Variants in NBAS observed in about 807,000 individuals in gnomAD.
NBAS encodes NBAS subunit of NRZ tethering complex, also known as NAG/BC035112 fusion.
NBAS carries 219 observed loss-of-function variants against 302.5 expected under a neutral mutation model. That is an observed-to-expected ratio of 0.72 (90% CI 0.65 to 0.81). The LOEUF (loss-of-function observed/expected upper bound fraction) is 0.81. Among genes scored for constraint, NBAS ranks in the 30% least tolerant of loss-of-function variants. The pLI, the probability that NBAS is intolerant of heterozygous loss-of-function variation, is 0.00. For missense variants in NBAS, 2,932 were observed against 2,841.6 expected (o/e 1.03, Z -0.72); for synonymous variants, 1,118 against 1,021.6 (o/e 1.09, Z -1.80).
intron 48 of NBAS, among the ~76,000 whole-genome samples, chr2:15,197,712 G>C (rs1558429159): frequency 6.6e-6 from 1 of 152,082 alleles, no homozygotes; most frequent in Non-Finnish European, 1.5e-5. Context: ...TCCTTGTAAT[G>C]GTACTTCCTC....
chr2:14,938,298 G>GATACAT, the NBAS span, among the ~76,000 whole-genome samples: 2 of 152,054 alleles, frequency 1.3e-5, no homozygotes, highest in Non-Finnish European at 2.9e-5. Context: ...AATGTATACA[G>GATACAT]ATACATATAC....
chr2:15,084,479 A>AG, the NBAS span, among the ~76,000 whole-genome samples: 3 of 152,226 alleles, frequency 2.0e-5, no homozygotes, highest in Non-Finnish European at 2.9e-5. Flanking sequence ...CAGAAAAATC[A>AG]GTGTTAGAAA....
chr2:15,242,278 A>G lies in NBAS; in HGVS notation c.5725-3592T>C, dbSNP rs530132037. 1.9e-4 allele frequency among the ~76,000 whole-genome samples: 29 copies of G among 152,332 alleles called. No individual in the cohort carries two copies. The South Asian group carries it at 5.2e-3, about 27-fold the overall frequency. ...CATTAGAAAATTTTCTATTTAAAATAATCCTTCAAGAGAACTAAATATTTC... is the reference window on the plus strand; with the variant it reads ...CATTAGAAAATTTTCTATTTAAAATGATCCTTCAAGAGAACTAAATATTTC... On this transcript the variant is annotated intron_variant, in intron 44 of 51. Transcript: ENST00000281513.
At chr2:15,177,313 T>C (rs376172037) in intron 51 of NBAS, among the ~76,000 whole-genome samples, 1 of 152,172 alleles carries the variant, frequency 6.6e-6, no homozygotes. Context: ...GGCACTGCAG[T>C]GTTACCATTT....
At chr2:15,557,318 T>G (rs994645109) in intron 2 of NBAS, among the ~76,000 whole-genome samples, 1 of 152,174 alleles carries the variant, frequency 6.6e-6, no homozygotes, top group African/African-American at 2.4e-5. Flanking sequence ...TACATGTATG[T>G]GTGTACCTGT....
intron 35 of NBAS, among the ~76,000 whole-genome samples, chr2:15,348,638 A>G (rs1673207567): frequency 6.6e-6 from 1 of 152,124 alleles, no homozygotes; most frequent in Non-Finnish European, 1.5e-5. Context: ...CACACTGGCC[A>G]AAACATCACA....
At chr2:15,177,653 AAT>A (rs1331337423) in intron 51 of NBAS, among the ~76,000 whole-genome samples, 1 of 152,228 alleles carries the variant, frequency 6.6e-6, no homozygotes, top group Non-Finnish European at 1.5e-5. Flanking sequence ...ATGCACTGAG[AAT>A]ATGCAGAAGT....
chr2:14,852,809 C>A, the NBAS span, among the ~76,000 whole-genome samples: 1 of 140,756 alleles, frequency 7.1e-6, no homozygotes, highest in Non-Finnish European at 1.5e-5. Context: ...CTGAGAAAAA[C>A]AAGCAATGGG....
the NBAS span, among the ~76,000 whole-genome samples, chr2:15,060,684 A>C: frequency 0.01 from 1,577 of 152,136 alleles, 31 homozygotes; most frequent in African/African-American, 0.035. Context: ...AGGATCCTAG[A>C]TCTACTACTT....
At chr2:14,947,248 A>T in the NBAS span, among the ~76,000 whole-genome samples, 3 of 152,042 alleles carry the variant, frequency 2.0e-5, no homozygotes, top group African/African-American at 7.2e-5. Flanking sequence ...TTAAAAAGAT[A>T]AACAAAATTG....
the NBAS span, among the ~76,000 whole-genome samples, chr2:15,120,235 T>C: frequency 0.14 from 20,713 of 152,162 alleles, 2,679 homozygotes; most frequent in African/African-American, 0.33. Context: ...ATTTCTTCTT[T>C]TATTTTAATT....
At chr2:15,095,243 C>T in the NBAS span, among the ~76,000 whole-genome samples, 1 of 152,142 alleles carries the variant, frequency 6.6e-6, no homozygotes, top group Non-Finnish European at 1.5e-5. Flanking sequence ...CATTTTCATG[C>T]TGCTGATAAA....
the NBAS span, among the ~76,000 whole-genome samples, chr2:14,951,014 G>A: frequency 1.3e-5 from 2 of 152,160 alleles, no homozygotes; most frequent in African/African-American, 4.8e-5. Flanking sequence ...GTAGCCAAAA[G>A]TACTCACCCT....
At chr2:15,372,513 G>C (rs915738560) in intron 31 of NBAS, among the ~76,000 whole-genome samples, 1 of 152,140 alleles carries the variant, frequency 6.6e-6, no homozygotes, top group Admixed American at 6.5e-5. Context: ...TAAATATCTA[G>C]TTGTTTTCTT....
intron 28 of NBAS, among the ~76,000 whole-genome samples, chr2:15,391,809 A>T (rs1380177107): frequency 1.3e-5 from 2 of 151,946 alleles, no homozygotes; most frequent in African/African-American, 4.8e-5. Context: ...ATTAACTCTG[A>T]CAGCAGATTT....
At chr2:15,001,585 A>C in the NBAS span, among the ~76,000 whole-genome samples, 146 of 152,314 alleles carry the variant, frequency 9.6e-4, no homozygotes, top group African/African-American at 3.2e-3. Flanking sequence ...TCAAATTATA[A>C]TTTGACATAT....
At chr2:15,213,372 AG>A (rs1256006909) in intron 48 of NBAS, among the ~76,000 whole-genome samples, 4 of 152,240 alleles carry the variant, frequency 2.6e-5, no homozygotes, top group Admixed American at 6.5e-5. Context: ...TAACATATAT[AG>A]TACCATGTAT....
At chr2:15,165,050 G>A (rs1373447702), downstream of NBAS, among the ~76,000 whole-genome samples, 1 of 152,040 alleles carries the variant, frequency 6.6e-6, no homozygotes, top group Non-Finnish European at 1.5e-5. Context: ...ATAAAGTCAG[G>A]GTGTCATACT....
Position 15,190,488 on chromosome 2 carries a change from C to CT in NBAS, c.6433-86dup, listed in dbSNP as rs946258460. 70 of 1,487,860 alleles carry CT rather than the reference C, an allele frequency of 4.7e-5. No homozygotes were observed. In the African/African-American group the frequency reaches 5.3e-4, roughly 11 times the overall value. The allele number at this position is 1,487,860 out of a possible 1,614,324, so 92.2% of individuals were successfully genotyped here. A position where few individuals can be genotyped will look rare whatever the true frequency, so the allele number is the denominator to read the frequency against. On this transcript the variant is annotated intron_variant, in intron 48 of 51. Transcript: ENST00000281513. ...ATAATTCTACTTTATTTTAATTAAACTTTTTTTTAAAATGTTTTACAATGT... is the reference window on the plus strand; with the variant it reads ...ATAATTCTACTTTATTTTAATTAAACTTTTTTTTTAAAATGTTTTACAATGT...
Sources: gnomAD v4.1 joint callset for allele counts (sites outside exome capture counted in the v4.1 genomes callset) on GRCh38, gnomAD v4.1.1 for gene constraint, MANE v1.5 for transcripts, NCBI Gene and HGNC (gene_info 2026-07-23, HGNC 2026-07-21) for gene names.